VAV3: variants seen among roughly 807,000 people sequenced by gnomAD.
The protein encoded by VAV3 is vav guanine nucleotide exchange factor 3.
Under a neutral mutation model 131.2 loss-of-function variants are expected in VAV3, and 94 were observed. The ratio of observed to expected loss-of-function variants is 0.72; its 90% confidence interval spans 0.61 to 0.85. The LOEUF (loss-of-function observed/expected upper bound fraction) is 0.85, where lower values mean the gene tolerates loss of function less well. VAV3 is among the 40% of genes least tolerant of loss of function. The probability of loss-of-function intolerance (pLI) is 0.00; values close to 1 mark genes in which losing one functional copy is unlikely to be tolerated. For missense variants in VAV3, 939 were observed against 1,002.7 expected (o/e 0.94, Z 0.86); for synonymous variants, 349 against 342.0 (o/e 1.02, Z -0.22).
Position 107,868,527 on chromosome 1 carries a change from G to A in VAV3, c.321+6374C>T, listed in dbSNP as rs540182501. Among the ~76,000 whole-genome samples the A allele has an allele frequency of 4.6e-5, 7 of 152,172 alleles. No individual in the cohort carries two copies. The East Asian group carries it at 7.8e-4, about 17-fold the overall frequency. ...ATTGCAGGCTCTCAAGTAGGTTGTCGGGATGCCTGTGGTGACCTTCTAAAC... is the reference window on the plus strand; with the variant it reads ...ATTGCAGGCTCTCAAGTAGGTTGTCAGGATGCCTGTGGTGACCTTCTAAAC... On this transcript the variant is annotated intron_variant, in intron 2 of 26. Transcript: ENST00000370056.
chr1:107,596,566 C>A (rs1006675915), intron 24 of VAV3, among the ~76,000 whole-genome samples: 1 of 146,752 alleles, frequency 6.8e-6, no homozygotes, highest in Non-Finnish European at 1.5e-5. Context: ...TATGAGTTAC[C>A]CCCTATTGTT....
chr1:107,683,606 T>C, intron 18 of VAV3, 73 bp from the exon 19 acceptor site: 5 of 1,445,272 alleles, frequency 3.5e-6, no homozygotes, highest in Non-Finnish European at 4.8e-6. Context: ...GTATTACTAC[T>C]GGCACTTTGG....
intron 2 of VAV3, among the ~76,000 whole-genome samples, chr1:107,853,970 TTTTC>T (rs1669348672): frequency 6.6e-6 from 1 of 152,174 alleles, no homozygotes; most frequent in South Asian, 2.1e-4. Flanking sequence ...TGTATTTTTT[TTTTC>T]TAAGTTGGGA....
At chr1:107,588,430 G>T (rs1043087425) in intron 25 of VAV3, among the ~76,000 whole-genome samples, 1 of 152,140 alleles carries the variant, frequency 6.6e-6, no homozygotes, top group East Asian at 1.9e-4. Flanking sequence ...GTCAAATGAG[G>T]CTAATGTAAC....
chr1:107,637,941 A>G (rs1329458487), intron 20 of VAV3, among the ~76,000 whole-genome samples: 1 of 152,236 alleles, frequency 6.6e-6, no homozygotes, highest in Non-Finnish European at 1.5e-5. Context: ...AATTTGCCGC[A>G]TTAATAAAAA....
rs749422039 is a variant in VAV3 at position 107,688,425 on chromosome 1, T to C, written c.1706-19A>G. On this transcript the variant is annotated intron_variant, in intron 17 of 26. Coordinates refer to ENST00000370056, the MANE Select transcript of VAV3 (RefSeq NM_006113.5). ...CCTTGTTCTGAAAGAAATGTAAAAA[T>C]TGGCATTGTCAGTGTAAAGTTATTT... 5.0e-6 allele frequency: 8 copies of C among 1,613,338 alleles called. No homozygotes were observed. The highest frequency in any genetic ancestry group is 4.5e-5 in the East Asian group (2 of 44,842).
At chr1:107,942,553 G>C (rs543191470) in intron 1 of VAV3, among the ~76,000 whole-genome samples, 1 of 152,026 alleles carries the variant, frequency 6.6e-6, no homozygotes, top group Non-Finnish European at 1.5e-5. Context: ...TTTTATATCT[G>C]TGTATCCTGA....
chr1:107,750,713 C>T (rs533886598), intron 13 of VAV3, among the ~76,000 whole-genome samples: 1 of 152,332 alleles, frequency 6.6e-6, no homozygotes, highest in South Asian at 2.1e-4. Context: ...CTGCAAATTT[C>T]CCTCAAGAAA....
chr1:107,766,193 T>C (rs1027458187), intron 8 of VAV3, among the ~76,000 whole-genome samples: 4 of 152,150 alleles, frequency 2.6e-5, no homozygotes, highest in Non-Finnish European at 5.9e-5. Context: ...AACTTAGCCT[T>C]TTGATTTGCG....
chr1:107,584,070 A>C (rs368804278), intron 25 of VAV3, among the ~76,000 whole-genome samples: 13 of 152,050 alleles, frequency 8.5e-5, no homozygotes, highest in Non-Finnish European at 1.9e-4. Context: ...TATAGATCAA[A>C]GGAACAGAAC....
rs1658791342 is a variant in VAV3 at position 107,683,504 on chromosome 1, A to G, written c.1761T>C (p.Pro587=). 2 of 1,614,072 alleles carry G rather than the reference A, an allele frequency of 1.2e-6. No homozygotes were observed. Among genetic ancestry groups the G allele is most frequent in the African/African-American group, 2.7e-5 (2 of 75,064 alleles). Residue 587 remains proline, a synonymous_variant, in exon 19 of 27, where the codon CCT becomes CCC. Coordinates refer to ENST00000370056, the MANE Select transcript of VAV3 (RefSeq NM_006113.5). ...EKRTNGLRRT[P]KQVDPGLPKM... is the part of the protein sequence containing the mutation. The stretch of plus-strand genomic sequence containing the variant: ...GAAACACACCTGGATCCACCTGTTT[A>G]GGAGTTCTTCGCAGTCCATTGGTCC...
intron 25 of VAV3, among the ~76,000 whole-genome samples, chr1:107,586,780 T>C (rs1357373385): frequency 6.6e-6 from 1 of 152,202 alleles, no homozygotes; most frequent in Non-Finnish European, 1.5e-5. Context: ...TATATTTATT[T>C]TGAATGTACA....
At chr1:107,906,978 C>G (rs533719675) in intron 1 of VAV3, among the ~76,000 whole-genome samples, 1 of 152,220 alleles carries the variant, frequency 6.6e-6, no homozygotes, top group South Asian at 2.1e-4. Flanking sequence ...GGGTGGAGGT[C>G]CAAGTATCTT....
intron 19 of VAV3, among the ~76,000 whole-genome samples, chr1:107,677,403 T>C (rs1172585390): frequency 6.6e-6 from 1 of 152,190 alleles, no homozygotes; most frequent in African/African-American, 2.4e-5. Flanking sequence ...CTCTCAGAGG[T>C]TGCTGGCCCA....
In VAV3 at chr1:107,634,614, T is replaced by A. The variant is rs570283979; in HGVS notation, c.1914+8005A>T. Among the ~76,000 whole-genome samples the A allele has an allele frequency of 7.2e-5, 11 of 151,942 alleles. No homozygotes were observed. In the East Asian group the frequency reaches 2.1e-3, roughly 29 times the overall value. On this transcript the variant is annotated intron_variant, in intron 20 of 26. Transcript: ENST00000370056. ...AAGCAATGGCAATGAAAGCCAAAAT[T>A]GACAAATGGGATCTAATTAAACTAA... is the stretch of plus-strand genomic sequence containing the variant.
intron 1 of VAV3, among the ~76,000 whole-genome samples, chr1:107,894,613 T>C (rs1229958652): frequency 6.6e-6 from 1 of 152,212 alleles, no homozygotes; most frequent in African/African-American, 2.4e-5. Context: ...ATGGTTACAT[T>C]ACTCTCTCTA....
At position 107,574,170 on chromosome 1, in the gene VAV3, G is replaced by A. The variant is rs55703522; in HGVS notation, c.2379C>T (p.Ala793=). 102 of 1,613,766 alleles carry A rather than the reference G, an allele frequency of 6.3e-5. No homozygotes were observed. In the East Asian group the frequency reaches 2.0e-3, roughly 32 times the overall value. Residue 793 remains alanine (A), a synonymous_variant, in exon 26 of 27, where the codon GCC becomes GCT. Transcript: ENST00000370056. ...SLLSPKVLGI[A]IARYDFCARD... Reference sequence around the variant, plus strand: ...TTGCACAGAAGTCATACCGAGCGATGGCAATGCCCAGCACTTTTGGACTTA... The same window carrying A: ...TTGCACAGAAGTCATACCGAGCGATAGCAATGCCCAGCACTTTTGGACTTA...
chr1:107,733,925 G>A (rs925082936), intron 15 of VAV3, among the ~76,000 whole-genome samples: 1 of 152,066 alleles, frequency 6.6e-6, no homozygotes, highest in African/African-American at 2.4e-5. Flanking sequence ...CACTAAGGTT[G>A]AAATGAAGGA....
intron 19 of VAV3, among the ~76,000 whole-genome samples, chr1:107,670,153 G>T (rs12725909): frequency 1.3e-5 from 2 of 152,200 alleles, no homozygotes; most frequent in African/African-American, 4.8e-5. Flanking sequence ...TGGACTGAAA[G>T]TCATGTTTTC....
Sources: allele counts gnomAD v4.1 joint callset (sites outside exome capture counted in the v4.1 genomes callset), GRCh38; gene constraint gnomAD v4.1.1; transcripts MANE v1.5; gene names NCBI Gene and HGNC (gene_info 2026-07-23, HGNC 2026-07-21).